The following ATP11A variants were observed in gnomAD, a reference collection of about 807,000 sequenced individuals.
The protein encoded by ATP11A is ATPase phospholipid transporting 11A.
Under a neutral mutation model 154.4 loss-of-function variants are expected in ATP11A, and 81 were observed. The observed-to-expected ratio is 0.52, with a 90% CI of 0.44 to 0.63. The LOEUF (loss-of-function observed/expected upper bound fraction) is 0.63. ATP11A is among the 30% of genes least tolerant of loss of function. The probability of loss-of-function intolerance (pLI) is 0.00; values close to 1 mark genes in which losing one functional copy is unlikely to be tolerated. For synonymous variants in ATP11A, 623 were observed against 585.9 expected (o/e 1.06, Z -0.91); for missense variants, 1,316 against 1,474.3 (o/e 0.89, Z 1.76).
chr13:112,735,351 T>C (rs982800217), intron 1 of ATP11A, among the ~76,000 whole-genome samples: 5 of 152,226 alleles, frequency 3.3e-5, no homozygotes, highest in Non-Finnish European at 5.9e-5. Context: ...CCCAGCGATA[T>C]AGCCTTCCGC....
chr13:112,867,575 C>T (rs933855850), intron 25 of ATP11A, among the ~76,000 whole-genome samples: 1 of 152,202 alleles, frequency 6.6e-6, no homozygotes, highest in Non-Finnish European at 1.5e-5. Flanking sequence ...ATCCCTGGAC[C>T]CCTGGCGTGT....
Position 112,878,304 on chromosome 13 carries a change from G to A in ATP11A, c.*9+1G>A. 1 of 1,613,930 alleles carries A rather than the reference G, an allele frequency of 6.2e-7. No individual in the cohort carries two copies. The highest frequency in any genetic ancestry group is 1.1e-5 in the South Asian group (1 of 91,084). ...CAGCCTGAGTTTCTGATGGAACAAGGTGATGCTCCTCTGCCTTCCACGCAC... is the reference window on the plus strand; with the variant it reads ...CAGCCTGAGTTTCTGATGGAACAAGATGATGCTCCTCTGCCTTCCACGCAC... On this transcript the variant is annotated splice_donor_variant, in intron 29 of 29. Transcript: ENST00000375645. LOFTEE classifies it low-confidence loss of function (3UTR_SPLICE).
intron 29 of ATP11A, chr13:112,880,436 G>T (rs1253956317): frequency 2.1e-6 from 2 of 971,108 alleles, no homozygotes; most frequent in Non-Finnish European, 2.7e-6. Context: ...TCCAACAGGG[G>T]CTTCGAGCCT....
rs1166041177 is a variant in ATP11A, at chr13:112,754,366, T to A, written c.40-30769T>A. On this transcript the variant is annotated intron_variant, in intron 1 of 29. Coordinates refer to ENST00000375645, the MANE Select transcript of ATP11A (RefSeq NM_015205.3). This position sits in a 1 kb window ranked among gnomAD's most constrained non-coding sequence, Gnocchi z 5.3. ...TGCCTCCAGATAACGCTCGCCATGTTTGGGGTGTATGAGCATGCTCCTTGC... is the reference window on the plus strand; with the variant it reads ...TGCCTCCAGATAACGCTCGCCATGTATGGGGTGTATGAGCATGCTCCTTGC... 1 of 152,250 alleles carries A rather than the reference T, an allele frequency of 6.6e-6. No homozygotes were observed. Among genetic ancestry groups the A allele is most frequent in the African/African-American group, 2.4e-5 (1 of 41,436 alleles). 9.4% of individuals were successfully genotyped at this position (152,250 alleles called of 1,614,324 possible).
At chr13:112,801,522 T>G (rs866506004) in intron 2 of ATP11A, among the ~76,000 whole-genome samples, 1 of 152,250 alleles carries the variant, frequency 6.6e-6, no homozygotes, top group African/African-American at 2.4e-5. Context: ...ACAAGTGATA[T>G]GATTGTCCAT....
chr13:112,830,326 A>G (rs371370), intron 12 of ATP11A, among the ~76,000 whole-genome samples: 52,167 of 152,026 alleles, frequency 0.34, 9,640 homozygotes, highest in African/African-American at 0.47. Flanking sequence ...TGTAATCCCA[A>G]CACTTTGGGA....
chr13:112,804,831 T>C (rs569184736), intron 2 of ATP11A, 126 bp from the exon 3 acceptor site: 91 of 531,562 alleles, frequency 1.7e-4, no homozygotes, highest in Non-Finnish European at 2.4e-4. Context: ...TTATGAATTA[T>C]GAGTTTTATA....
chr13:112,837,888 G>A (rs1228863495), intron 16 of ATP11A, among the ~76,000 whole-genome samples: 1 of 152,048 alleles, frequency 6.6e-6, no homozygotes, highest in Non-Finnish European at 1.5e-5. Flanking sequence ...TAGCGGCTCT[G>A]GGGTGGGCAG....
intron 1 of ATP11A, among the ~76,000 whole-genome samples, chr13:112,732,787 T>C (rs1202755927): frequency 6.6e-6 from 1 of 152,116 alleles, no homozygotes; most frequent in African/African-American, 2.4e-5. Flanking sequence ...AGTTTTTATA[T>C]TTTTTTGTCG....
At position 112,873,625 on chromosome 13, in the gene ATP11A, G is replaced by C; in HGVS notation, c.3110G>C (p.Gly1037Ala). Residue 1037 changes from glycine to alanine, a missense_variant, in exon 27 of 30, where the codon GGG becomes GCG. By Grantham distance (60) the Gly-to-Ala change is moderately conservative. Transcript: ENST00000375645. The part of the protein sequence containing the change: ...WTWINHFVIW[G>A]SLLFYVVFSL... ...TGGATCAACCATTTTGTCATCTGGG[G>C]GTCGCTGCTGTTCTACGTTGTCTTT... The C allele has an allele frequency of 6.2e-7, 1 of 1,613,394 alleles. No individual in the cohort carries two copies. Among genetic ancestry groups the C allele is most frequent in the African/African-American group, 1.3e-5 (1 of 74,968 alleles).
chr13:112,850,884 T>C (rs909402876), intron 17 of ATP11A, among the ~76,000 whole-genome samples, 153 bp from the exon 18 acceptor site: 1 of 152,232 alleles, frequency 6.6e-6, no homozygotes, highest in Non-Finnish European at 1.5e-5. Flanking sequence ...AATCTTTCTT[T>C]CTTTGTTTAC....
intron 26 of ATP11A, among the ~76,000 whole-genome samples, chr13:112,872,729 G>T (rs1325612440): frequency 6.6e-6 from 1 of 152,250 alleles, no homozygotes; most frequent in African/African-American, 2.4e-5. Context: ...CTGCCATCTG[G>T]GAAATACATC....
At chr13:112,853,105 A>G (rs1418065947) in intron 18 of ATP11A, among the ~76,000 whole-genome samples, 1 of 152,002 alleles carries the variant, frequency 6.6e-6, no homozygotes, top group East Asian at 1.9e-4. Context: ...CTGTTGTCCT[A>G]GCTACTTGGG....
chr13:112,844,635 C>T (rs777269881), intron 17 of ATP11A, among the ~76,000 whole-genome samples: 3 of 152,180 alleles, frequency 2.0e-5, no homozygotes, highest in Admixed American at 2.0e-4. Flanking sequence ...TGCTGAGACT[C>T]GGCCGTGTGG....
At chr13:112,880,851 GCACA>G (rs2080864819) in intron 29 of ATP11A, 1 of 1,109,708 alleles carries the variant, frequency 9.0e-7, no homozygotes, top group African/African-American at 1.7e-5. Context: ...AACATGCTGT[GCACA>G]CACACGTGTG....
At chr13:112,747,775 G>C (rs1439922728) in intron 1 of ATP11A, among the ~76,000 whole-genome samples, 3 of 152,114 alleles carry the variant, frequency 2.0e-5, no homozygotes, top group African/African-American at 7.2e-5. Flanking sequence ...GGCGGTGGTT[G>C]CAGTGTTCAG....
intron 1 of ATP11A, among the ~76,000 whole-genome samples, chr13:112,762,957 G>T (rs1037965385): frequency 1.3e-5 from 2 of 152,194 alleles, no homozygotes; most frequent in Admixed American, 6.5e-5. Context: ...CTTCTTAGGG[G>T]CAAAGAATAA....
At chr13:112,880,645 G>T in intron 29 of ATP11A, 1 of 1,293,796 alleles carries the variant, frequency 7.7e-7, no homozygotes. Context: ...TTAGCTCCAC[G>T]CTAGGTAACT....
intron 16 of ATP11A, among the ~76,000 whole-genome samples, chr13:112,837,087 G>T (rs2079257916): frequency 6.6e-6 from 1 of 152,230 alleles, no homozygotes; most frequent in South Asian, 2.1e-4. Context: ...GCTTGAACGT[G>T]CAGGCGCCCC....
Sources: allele counts gnomAD v4.1 joint callset (sites outside exome capture counted in the v4.1 genomes callset), GRCh38; gene constraint gnomAD v4.1.1; non-coding constraint Gnocchi (gnomAD v3.1); transcripts MANE v1.5; gene names NCBI Gene and HGNC (gene_info 2026-07-23, HGNC 2026-07-21).